Variants in MDGA2 observed in about 807,000 individuals in gnomAD.
The protein encoded by MDGA2 is MAM domain containing glycosylphosphatidylinositol anchor 2.
In MDGA2, 40 loss-of-function variants were observed where a neutral mutation model predicts 117.8. That is an observed-to-expected ratio of 0.34 (90% CI 0.26 to 0.44). The LOEUF (loss-of-function observed/expected upper bound fraction) is 0.44, where lower values mean the gene tolerates loss of function less well. Ranked by LOEUF, MDGA2 falls within the 20% of genes least tolerant of loss-of-function variation. The pLI, the probability that MDGA2 is intolerant of heterozygous loss-of-function variation, is 1.00. For synonymous variants in MDGA2, 452 were observed against 439.0 expected, an observed-to-expected ratio of 1.03 and a Z score of -0.37; for missense variants, 1,123 against 1,250.6, an observed-to-expected ratio of 0.90 and a Z score of 1.54.
At chr14:47,343,630 T>G (rs757702351) in intron 1 of MDGA2, among the ~76,000 whole-genome samples, 15 of 152,176 alleles carry the variant, frequency 9.9e-5, no homozygotes, top group Non-Finnish European at 1.2e-4. Context: ...CCATTTTCAT[T>G]AATTATCTAA....
At chr14:46,882,677 T>A (rs1882511515) in intron 10 of MDGA2, among the ~76,000 whole-genome samples, 1 of 151,680 alleles carries the variant, frequency 6.6e-6, no homozygotes, top group African/African-American at 2.4e-5. Context: ...ACTTTTCAAG[T>A]TTATTAAAAA....
chr14:47,609,427 T>TCATATATATATATATA (rs1430371167), intron 1 of MDGA2, among the ~76,000 whole-genome samples: 6 of 6,946 alleles, frequency 8.6e-4, no homozygotes, highest in Non-Finnish European at 9.0e-4. Flanking sequence ...TAGTATTCCA[T>TCATATATATATATATA]CATATATATA....
intron 8 of MDGA2, among the ~76,000 whole-genome samples, chr14:47,013,063 G>A (rs547579638): frequency 1.5e-4 from 23 of 152,078 alleles, no homozygotes; most frequent in African/African-American, 4.3e-4. Context: ...AACCACCACC[G>A]GCCTGTGGCG....
intron 1 of MDGA2, among the ~76,000 whole-genome samples, chr14:47,466,336 T>A (rs955258791): frequency 6.6e-5 from 10 of 151,460 alleles, no homozygotes; most frequent in African/African-American, 2.4e-4. Context: ...AAAAAAAAAA[T>A]TGGATTAGGA....
chr14:46,860,399 C>T (rs1044437564), intron 14 of MDGA2, among the ~76,000 whole-genome samples: 9 of 151,890 alleles, frequency 5.9e-5, no homozygotes, highest in Non-Finnish European at 1.0e-4. Context: ...TCGTATATTA[C>T]AGAAATAAAA....
chr14:47,432,363 G>C (rs377512012), intron 1 of MDGA2, among the ~76,000 whole-genome samples: 1 of 152,008 alleles, frequency 6.6e-6, no homozygotes, highest in African/African-American at 2.4e-5. Context: ...GTGTCATATT[G>C]TGTTATCTCA....
intron 9 of MDGA2, among the ~76,000 whole-genome samples, chr14:46,929,246 G>A (rs1296072326): frequency 2.6e-5 from 4 of 152,076 alleles, no homozygotes; most frequent in Admixed American, 1.3e-4. Flanking sequence ...TAGCTTTGGT[G>A]AAGAGTGAAA....
In MDGA2 at chr14:46,932,301, T is replaced by A. The variant is rs1047039497; in HGVS notation, c.2090-12141A>T. On this transcript the variant is annotated intron_variant, in intron 9 of 16. Coordinates refer to ENST00000399232, the MANE Select transcript of MDGA2 (RefSeq NM_001113498.3). ...TAGACTTGTATGAAAACTTGTAACT[T>A]AGTCTTTTTATAATTTGCTTCAATA... Among the ~76,000 whole-genome samples, 6 of 152,186 alleles carry A rather than the reference T, an allele frequency of 3.9e-5. No homozygotes were observed. In the South Asian group the frequency reaches 1.2e-3, roughly 32 times the overall value.
At chr14:47,657,450 A>G (rs1235689748) in intron 1 of MDGA2, among the ~76,000 whole-genome samples, 2 of 152,198 alleles carry the variant, frequency 1.3e-5, no homozygotes, top group Non-Finnish European at 2.9e-5. Flanking sequence ...ATTCATCAGC[A>G]TTGAACTAGC....
At chr14:47,086,018 C>T (rs912123994) in intron 6 of MDGA2, among the ~76,000 whole-genome samples, 1 of 151,336 alleles carries the variant, frequency 6.6e-6, no homozygotes, top group African/African-American at 2.4e-5. Flanking sequence ...AATTTACATA[C>T]ATTGAAATGT....
intron 1 of MDGA2, among the ~76,000 whole-genome samples, chr14:47,591,736 T>G (rs1021227092): frequency 6.6e-6 from 1 of 152,104 alleles, no homozygotes; most frequent in Non-Finnish European, 1.5e-5. Flanking sequence ...TCAACATCCC[T>G]TCATGTTAAA....
intron 2 of MDGA2, among the ~76,000 whole-genome samples, chr14:47,252,231 T>C (rs1449023742): frequency 6.6e-6 from 1 of 152,090 alleles, no homozygotes; most frequent in Admixed American, 6.6e-5. Flanking sequence ...AATACTAGAT[T>C]CTCATGAAGT....
intron 5 of MDGA2, among the ~76,000 whole-genome samples, chr14:47,125,726 A>G (rs900945751): frequency 6.6e-6 from 1 of 152,068 alleles, no homozygotes; most frequent in Non-Finnish European, 1.5e-5. Context: ...TGATATCTTA[A>G]TTAGATAATG....
At chr14:47,534,097 C>A (rs1247855348) in intron 1 of MDGA2, among the ~76,000 whole-genome samples, 2 of 151,730 alleles carry the variant, frequency 1.3e-5, no homozygotes, top group Non-Finnish European at 2.9e-5. Flanking sequence ...AAAAAAGTAT[C>A]CAATGGGTGA....
At position 46,920,039 on chromosome 14, in the gene MDGA2, A is replaced by C. The variant is rs758452402; in HGVS notation, c.2211T>G (p.Ile737Met). The C allele has an allele frequency of 6.3e-7, 1 of 1,587,932 alleles. No homozygotes were observed. The highest frequency in any genetic ancestry group is 1.2e-5 in the South Asian group (1 of 84,074). The change falls in exon 10 of 17, where the codon ATT becomes ATG. Residue 737 changes from isoleucine (I) to methionine (M), a missense_variant. Around this residue, in one of 2 missense-constraint regions of MDGA2, gnomAD observed 890 missense variants for 1,050.3 expected, o/e 0.85. Coordinates refer to ENST00000399232, the MANE Select transcript of MDGA2 (RefSeq NM_001113498.3). ...GCCTGATGCCCAACCGGTATGCAACAATCCGATCCACTGCATCAGGATTCA... is the reference window on the plus strand; with the variant it reads ...GCCTGATGCCCAACCGGTATGCAACCATCCGATCCACTGCATCAGGATTCA... ...TQMNPDAVDRIVAYRLGIRQA... is the reference protein window; with the variant it reads ...TQMNPDAVDRMVAYRLGIRQA...
intron 1 of MDGA2, among the ~76,000 whole-genome samples, chr14:47,667,030 C>T (rs1015786718): frequency 5.3e-5 from 8 of 152,178 alleles, no homozygotes; most frequent in African/African-American, 9.7e-5. Context: ...GGACACACTG[C>T]CTTTAAGAAC....
At chr14:47,669,210 C>G (rs1898030891) in intron 1 of MDGA2, among the ~76,000 whole-genome samples, 1 of 151,904 alleles carries the variant, frequency 6.6e-6, no homozygotes, top group Admixed American at 6.6e-5. Context: ...AACTATAAAA[C>G]AAAAATAAAA....
intron 2 of MDGA2, among the ~76,000 whole-genome samples, chr14:47,275,769 G>A (rs1888292349): frequency 6.6e-6 from 1 of 151,978 alleles, no homozygotes; most frequent in Non-Finnish European, 1.5e-5. Flanking sequence ...TTAGTACATT[G>A]AACTGAAGCA....
At chr14:47,399,749 A>G (rs1892094181) in intron 1 of MDGA2, among the ~76,000 whole-genome samples, 1 of 135,012 alleles carries the variant, frequency 7.4e-6, no homozygotes, top group African/African-American at 2.6e-5. Flanking sequence ...GAAACAAATC[A>G]TGTCTGTTTT....
Sources: allele counts gnomAD v4.1 joint callset (sites outside exome capture counted in the v4.1 genomes callset), GRCh38; gene constraint gnomAD v4.1.1; regional missense constraint gnomAD v4.1.1; transcripts MANE v1.5; gene names NCBI Gene and HGNC (gene_info 2026-07-23, HGNC 2026-07-21).